TENM4: variants seen among roughly 807,000 people sequenced by gnomAD.
TENM4 encodes teneurin transmembrane protein 4, also known as teneurin-4.
In TENM4, 82 loss-of-function variants were observed where a neutral mutation model predicts 243.3. The observed-to-expected ratio is 0.34, with a 90% CI of 0.28 to 0.40. TENM4 has a LOEUF of 0.40. TENM4 is among the 10% of genes least tolerant of loss of function. TENM4 has a pLI of 1.00. For synonymous variants in TENM4, 1,412 were observed against 1,456.3 expected, an observed-to-expected ratio of 0.97 and a Z score of 0.69; for missense variants, 3,138 against 3,673.3, an observed-to-expected ratio of 0.85 and a Z score of 3.77.
At chr11:79,403,659 T>C (rs1244283339) in intron 1 of TENM4, among the ~76,000 whole-genome samples, 1 of 152,062 alleles carries the variant, frequency 6.6e-6, no homozygotes, top group East Asian at 1.9e-4. Context: ...CATTCTCCCA[T>C]TCCTCCCACC....
rs958851415 is a variant in TENM4 at position 79,283,991 on chromosome 11, T to TA, written c.-265+13496dup. Among the ~76,000 whole-genome samples the TA allele has an allele frequency of 2.0e-3, 302 of 152,136 alleles. 1 individual carries two copies. The highest frequency in any genetic ancestry group is 6.6e-3 in the African/African-American group (276 of 41,518). On this transcript the variant is annotated intron_variant, in intron 2 of 33. Coordinates refer to ENST00000278550, the MANE Select transcript of TENM4 (RefSeq NM_001098816.3). Reference sequence around the variant, plus strand: ...AGGATAAAGTATTTAAGAATAAATTTAAAAAAAGAAGTGAAAGACTTGTAT... The same window carrying TA: ...AGGATAAAGTATTTAAGAATAAATTTAAAAAAAAGAAGTGAAAGACTTGTAT...
At position 78,771,107 on chromosome 11, in the gene TENM4, G is replaced by A. The variant is rs777821068; in HGVS notation, c.2424C>T (p.Gly808=). 1 of 1,572,300 alleles carries A rather than the reference G, an allele frequency of 6.4e-7. No homozygotes were observed. Among genetic ancestry groups the A allele is most frequent in the South Asian group, 1.2e-5 (1 of 85,184 alleles). ...EGCPGLCNGN[G]RCTLDLNGWH... is the part of the protein sequence containing the mutation. The stretch of plus-strand genomic sequence containing the variant: ...AACCATTCAGGTCTAAGGTACATCT[G>A]CCGTTGCCATTGCACAACCCAGGGC... The change falls in exon 18 of 34, where the codon GGC becomes GGT. Residue 808 remains glycine (G), a synonymous_variant. Transcript: ENST00000278550.
At chr11:78,907,344 T>A (rs150445787) in intron 6 of TENM4, among the ~76,000 whole-genome samples, 1 of 151,736 alleles carries the variant, frequency 6.6e-6, no homozygotes, top group African/African-American at 2.4e-5. Flanking sequence ...TGCACCCTCG[T>A]CTTTGGAGGG....
chr11:78,692,173 C>T (rs1477743914), intron 28 of TENM4, among the ~76,000 whole-genome samples: 1 of 152,190 alleles, frequency 6.6e-6, no homozygotes, highest in Non-Finnish European at 1.5e-5. Flanking sequence ...TGACAGTTTT[C>T]ATTATGGGAA....
chr11:79,297,156 G>C (rs1856469012), intron 2 of TENM4, among the ~76,000 whole-genome samples: 1 of 152,156 alleles, frequency 6.6e-6, no homozygotes, highest in African/African-American at 2.4e-5. Context: ...GGGAGAGTGA[G>C]TGTCACAACA....
intron 1 of TENM4, among the ~76,000 whole-genome samples, chr11:79,313,242 T>C (rs1856750950): frequency 6.6e-6 from 1 of 152,172 alleles, no homozygotes; most frequent in African/African-American, 2.4e-5. Context: ...AAATTAATCC[T>C]TTCACTTATT....
intron 1 of TENM4, among the ~76,000 whole-genome samples, chr11:79,398,738 A>AT (rs1491372434): frequency 2.8e-5 from 1 of 36,072 alleles, no homozygotes; most frequent in Non-Finnish European, 5.8e-5. Context: ...CAGATGCTTT[A>AT]AAAAAAAAAA....
intron 3 of TENM4, among the ~76,000 whole-genome samples, chr11:79,181,310 C>T (rs1053417698): frequency 6.6e-6 from 1 of 152,138 alleles, no homozygotes; most frequent in African/African-American, 2.4e-5. Flanking sequence ...TTAATATAAT[C>T]CACCACATCA....
At chr11:79,278,782 G>C (rs868417922) in intron 2 of TENM4, among the ~76,000 whole-genome samples, 5 of 152,144 alleles carry the variant, frequency 3.3e-5, no homozygotes, top group Admixed American at 6.5e-5. Context: ...AGTGGTGCTG[G>C]GTATGTGTGT....
At chr11:78,994,173 C>G (rs1274612171) in intron 6 of TENM4, among the ~76,000 whole-genome samples, 2 of 152,196 alleles carry the variant, frequency 1.3e-5, no homozygotes, top group South Asian at 4.1e-4. Context: ...AGGTCCTTCC[C>G]TTCTGGGTAG....
intron 1 of TENM4, among the ~76,000 whole-genome samples, chr11:79,322,445 G>A (rs1856906922): frequency 6.6e-6 from 1 of 152,196 alleles, no homozygotes. Flanking sequence ...CGTTGAGGCT[G>A]TGGTCTCACA....
At chr11:79,164,177 C>A (rs1453655698) in intron 3 of TENM4, among the ~76,000 whole-genome samples, 10 of 119,428 alleles carry the variant, frequency 8.4e-5, no homozygotes, top group African/African-American at 2.3e-4. Flanking sequence ...ATATGGCATA[C>A]TATAGTGTAT....
intron 28 of TENM4, among the ~76,000 whole-genome samples, chr11:78,689,571 A>G (rs1858768564): frequency 6.6e-6 from 1 of 151,982 alleles, no homozygotes; most frequent in African/African-American, 2.4e-5. Flanking sequence ...AAGGTCAGAG[A>G]GTTCAGCTCT....
intron 3 of TENM4, among the ~76,000 whole-genome samples, chr11:79,159,332 C>G (rs1343331562): frequency 6.6e-6 from 1 of 152,182 alleles, no homozygotes; most frequent in East Asian, 1.9e-4. Context: ...CATGTAGTAT[C>G]TGATTTAATC....
At chr11:78,885,209 T>C (rs1043211913) in intron 9 of TENM4, among the ~76,000 whole-genome samples, 2 of 152,122 alleles carry the variant, frequency 1.3e-5, no homozygotes, top group East Asian at 1.9e-4. Context: ...ACAGCCCCCA[T>C]TGTGTTCTGC....
chr11:79,049,036 G>A (rs1029838312), intron 6 of TENM4, among the ~76,000 whole-genome samples: 2 of 152,166 alleles, frequency 1.3e-5, no homozygotes, highest in South Asian at 2.1e-4. Context: ...GTATGCCTAC[G>A]TAGGTGTCTG....
intron 6 of TENM4, among the ~76,000 whole-genome samples, chr11:79,022,376 C>T (rs1338478108): frequency 6.6e-6 from 1 of 152,146 alleles, no homozygotes; most frequent in African/African-American, 2.4e-5. Flanking sequence ...ATCCACAGAC[C>T]TTCAAAGGAT....
chr11:78,986,254 A>T (rs1367077049), intron 6 of TENM4, among the ~76,000 whole-genome samples: 1 of 152,202 alleles, frequency 6.6e-6, no homozygotes, highest in African/African-American at 2.4e-5. Flanking sequence ...GAAATTAAGA[A>T]TTTTTAATTT....
chr11:78,712,388 C>T, intron 26 of TENM4, 94 bp downstream of exon 26: 2 of 1,278,104 alleles, frequency 1.6e-6, no homozygotes, highest in South Asian at 2.9e-5. Flanking sequence ...TGGTATTTTC[C>T]AAAAATTTTT....
Sources: allele counts gnomAD v4.1 joint callset (sites outside exome capture counted in the v4.1 genomes callset), GRCh38; gene constraint gnomAD v4.1.1; transcripts MANE v1.5; gene names NCBI Gene and HGNC (gene_info 2026-07-23, HGNC 2026-07-21).